Variants in RGL1 observed in about 807,000 individuals in gnomAD.
RGL1 encodes ral guanine nucleotide dissociation stimulator like 1, also known as ral guanine nucleotide dissociation stimulator-like 1.
A neutral mutation model predicts 95.2 loss-of-function variants in RGL1; 24 were observed. The observed-to-expected ratio is 0.25, with a 90% CI of 0.18 to 0.35. The LOEUF (loss-of-function observed/expected upper bound fraction) is 0.35. RGL1 is among the 10% of genes least tolerant of loss of function. RGL1 has a pLI of 1.00. For missense variants in RGL1, 715 were observed against 936.3 expected, an observed-to-expected ratio of 0.76 and a Z score of 3.08; for synonymous variants, 329 against 344.9, an observed-to-expected ratio of 0.95 and a Z score of 0.51.
intron 2 of RGL1, among the ~76,000 whole-genome samples, chr1:183,817,283 C>G (rs984914972): frequency 3.9e-5 from 6 of 152,176 alleles, no homozygotes; most frequent in Admixed American, 6.5e-5. Context: ...CCTGTTGCTG[C>G]TTTCTATGTT....
chr1:183,664,608 G>A (rs933277175), intron 1 of RGL1, among the ~76,000 whole-genome samples: 1 of 150,024 alleles, frequency 6.7e-6, no homozygotes, highest in African/African-American at 2.5e-5. Flanking sequence ...TCCTGCTATC[G>A]CATCCTACTT....
At position 183,893,670 on chromosome 1, in the gene RGL1, C is replaced by T. The variant is rs139654803; in HGVS notation, c.1140+1509C>T. Among the ~76,000 whole-genome samples the T allele has an allele frequency of 7.6e-3, 1,153 of 152,246 alleles. 10 individuals carry two copies. The highest frequency in any genetic ancestry group is 0.011 in the Admixed American group (170 of 15,286). Reference sequence around the variant, plus strand: ...TATGTCCTACTTATCCTTCATGTCTCAGTGTAGACTCCTCCTTTTCTGGAA... The same window carrying T: ...TATGTCCTACTTATCCTTCATGTCTTAGTGTAGACTCCTCCTTTTCTGGAA... On this transcript the variant is annotated intron_variant, in intron 9 of 17. Transcript: ENST00000360851.
chr1:183,879,954 A>T (rs1666729002), intron 4 of RGL1, among the ~76,000 whole-genome samples: 1 of 152,212 alleles, frequency 6.6e-6, no homozygotes, highest in African/African-American at 2.4e-5. Context: ...CAGAGCCATC[A>T]GAAGAAATCA....
At chr1:183,751,923 T>C (rs1475335209) in intron 2 of RGL1, among the ~76,000 whole-genome samples, 1 of 152,122 alleles carries the variant, frequency 6.6e-6, no homozygotes, top group African/African-American at 2.4e-5. Context: ...GGTACCTCAG[T>C]TGGAAATGCA....
intron 1 of RGL1, among the ~76,000 whole-genome samples, chr1:183,737,582 C>CAAAA (rs397805638): frequency 8.4e-6 from 1 of 118,604 alleles, no homozygotes. Flanking sequence ...TCTATCTCTA[C>CAAAA]AAAAAAAAAA....
At chr1:183,682,575 T>C (rs1287278222) in intron 1 of RGL1, among the ~76,000 whole-genome samples, 19 of 152,162 alleles carry the variant, frequency 1.2e-4, no homozygotes, top group South Asian at 8.3e-4. Context: ...CTGAGGAGTG[T>C]TTTACTTTGA....
chr1:183,829,937 T>G (rs192988126), intron 2 of RGL1, among the ~76,000 whole-genome samples: 1 of 152,302 alleles, frequency 6.6e-6, no homozygotes, highest in African/African-American at 2.4e-5. Context: ...GAGCAATGGT[T>G]TCTACCGCCA....
chr1:183,912,302 C>G, intron 15 of RGL1, 34 bp downstream of exon 15: 2 of 1,551,238 alleles, frequency 1.3e-6, no homozygotes, highest in Non-Finnish European at 1.8e-6. Context: ...ATTCCTAATG[C>G]AGGCACCTAC....
chr1:183,849,600 C>T (rs1455682936), intron 3 of RGL1, among the ~76,000 whole-genome samples: 2 of 143,028 alleles, frequency 1.4e-5, no homozygotes, highest in Non-Finnish European at 3.0e-5. Flanking sequence ...AAGCAATTCT[C>T]CTGCCTCAGC....
intron 2 of RGL1, among the ~76,000 whole-genome samples, chr1:183,822,161 T>C (rs1297384168): frequency 1.3e-5 from 2 of 152,134 alleles, no homozygotes; most frequent in Non-Finnish European, 2.9e-5. Flanking sequence ...TTCTGACAGT[T>C]GTAAAAATTC....
chr1:183,774,939 T>C (rs555097524), intron 2 of RGL1, among the ~76,000 whole-genome samples: 2 of 152,284 alleles, frequency 1.3e-5, no homozygotes, highest in Non-Finnish European at 2.9e-5. Context: ...ATCAAATAAC[T>C]GAAACTCACC....
At chr1:183,766,146 C>T (rs1658951497) in intron 2 of RGL1, among the ~76,000 whole-genome samples, 1 of 151,710 alleles carries the variant, frequency 6.6e-6, no homozygotes, top group Non-Finnish European at 1.5e-5. Context: ...GTGGCTCACA[C>T]CTGTAATCCC....
At chr1:183,828,836 C>G (rs6703065) in intron 2 of RGL1, among the ~76,000 whole-genome samples, 51,239 of 149,554 alleles carry the variant, frequency 0.34, 9,570 homozygotes, top group Non-Finnish European at 0.43. Context: ...TGCTTCTACT[C>G]GGAATAAAAC....
intron 9 of RGL1, among the ~76,000 whole-genome samples, chr1:183,895,379 T>G (rs1323530416): frequency 6.6e-6 from 1 of 151,582 alleles, no homozygotes; most frequent in Non-Finnish European, 1.5e-5. Flanking sequence ...AAGCAAGCCA[T>G]TTGCACTAAG....
intron 17 of RGL1, 62 bp from the exon 18 acceptor site, chr1:183,926,043 C>T (rs947001984): frequency 5.6e-6 from 8 of 1,423,514 alleles, no homozygotes; most frequent in Admixed American, 1.9e-5. Context: ...TTACAGCTGC[C>T]GTTGTCAGTA....
At chr1:183,760,155 A>G (rs573024635) in intron 2 of RGL1, among the ~76,000 whole-genome samples, 2 of 152,356 alleles carry the variant, frequency 1.3e-5, no homozygotes, top group South Asian at 4.1e-4. Flanking sequence ...ATATCTAAAA[A>G]GTACATATCT....
intron 1 of RGL1, among the ~76,000 whole-genome samples, chr1:183,685,681 A>T (rs569011308): frequency 6.6e-6 from 1 of 152,342 alleles, no homozygotes; most frequent in East Asian, 1.9e-4. Flanking sequence ...ATAATAAGGT[A>T]AGCAGCTATA....
In RGL1 at chr1:183,922,267, C is replaced by T. The variant is rs748749443; in HGVS notation, c.2050C>T (p.Leu684=). The T allele has an allele frequency of 2.0e-5, 33 of 1,614,010 alleles. No homozygotes were observed. The highest frequency in any genetic ancestry group is 6.7e-5 in the Admixed American group (4 of 59,996). The change falls in exon 17 of 18, where the codon CTG becomes TTG. Residue 684 remains leucine (L), a synonymous_variant. Coordinates refer to ENST00000360851, the MANE Select transcript of RGL1 (RefSeq NM_001297671.3). ...KTPAVIQRAM[L]KHNLDSDPAE... ...CCCCGCTGTGATCCAGAGAGCCATG[C>T]TGAAGCACAATCTGGACTCAGACCC...
At chr1:183,891,746 T>G (rs1405875675) in intron 8 of RGL1, among the ~76,000 whole-genome samples, 2 of 47,334 alleles carry the variant, frequency 4.2e-5, no homozygotes, top group African/African-American at 1.7e-4. Context: ...TTTTTTTTTT[T>G]TTTTTTTTTT....
Sources: gnomAD v4.1 joint callset for allele counts (sites outside exome capture counted in the v4.1 genomes callset) on GRCh38, gnomAD v4.1.1 for gene constraint, MANE v1.5 for transcripts, NCBI Gene and HGNC (gene_info 2026-07-23, HGNC 2026-07-21) for gene names.